Variants in CHD2 observed in about 807,000 individuals in gnomAD.
CHD2 encodes the protein chromodomain helicase DNA binding protein 2.
In CHD2, 28 loss-of-function variants were observed where a neutral mutation model predicts 243.9. The observed-to-expected ratio is 0.11, with a 90% CI of 0.09 to 0.16. The LOEUF is 0.16. Ranked by LOEUF, CHD2 falls within the 10% of genes least tolerant of loss-of-function variation. The probability of loss-of-function intolerance (pLI) is 1.00; values close to 1 mark genes in which losing one functional copy is unlikely to be tolerated. For missense variants in CHD2, 1,386 were observed against 2,209.8 expected (o/e 0.63, Z 7.47); for synonymous variants, 775 against 779.0 (o/e 0.99, Z 0.09).
At chr15:93,002,463 A>T in intron 33 of CHD2, 146 bp downstream of exon 33, 1 of 1,322,920 alleles carries the variant, frequency 7.6e-7, no homozygotes, top group Non-Finnish European at 1.0e-6. Flanking sequence ...CGTTGATGGG[A>T]TACCTGCACC....
At chr15:92,903,515 T>G (rs1406134843) in intron 2 of CHD2, among the ~76,000 whole-genome samples, 1 of 152,232 alleles carries the variant, frequency 6.6e-6, no homozygotes, top group African/African-American at 2.4e-5. Flanking sequence ...TATTTTAATT[T>G]GAAGTTAATG....
chr15:92,988,601 C>T (rs1018964760), intron 26 of CHD2, among the ~76,000 whole-genome samples: 1 of 152,142 alleles, frequency 6.6e-6, no homozygotes, highest in Non-Finnish European at 1.5e-5. Flanking sequence ...TCTATTTTGG[C>T]TTAGCTCGCA....
rs578182572 is a variant in CHD2 at position 93,002,470 on chromosome 15, C to T, written c.4278+153C>T. The stretch of plus-strand genomic sequence containing the variant: ...GGTGGGGCCGTTGATGGGATACCTG[C>T]ACCTGTCCTTGCAGAGAGAGGGGAA... On this transcript the variant is annotated intron_variant, in intron 33 of 38. Transcript: ENST00000394196. 3.7e-4 allele frequency among the ~76,000 whole-genome samples: 57 copies of T among 152,282 alleles called. No individual in the cohort carries two copies. In the South Asian group the frequency reaches 0.012, roughly 31 times the overall value.
At chr15:92,928,910 G>A in intron 4 of CHD2, 120 bp from the exon 5 acceptor site, 5 of 844,776 alleles carry the variant, frequency 5.9e-6, no homozygotes, top group Non-Finnish European at 8.9e-6. Flanking sequence ...GTTTCTTTGT[G>A]TCTAAAAGCT....
chr15:93,018,349 G>T (rs2054488516), intron 37 of CHD2, among the ~76,000 whole-genome samples: 1 of 152,224 alleles, frequency 6.6e-6, no homozygotes, highest in Non-Finnish European at 1.5e-5. Flanking sequence ...AATGCTATCA[G>T]TTTCTGAGCT....
In CHD2 at chr15:92,924,360, C is replaced by T. The variant is rs1481474429; in HGVS notation, c.102C>T (p.Gly34=). Residue 34 remains glycine (G), a synonymous_variant, in exon 3 of 39, where the codon GGC becomes GGT. Coordinates refer to ENST00000394196, the MANE Select transcript of CHD2 (RefSeq NM_001271.4). ...AAGAAGCTTCGGGTTCAGACTCAGG[C>T]AGTCAGTCGGAAAGTGAGCAGGGAA... is the stretch of plus-strand genomic sequence containing the variant. ...ASEEASGSDS[G]SQSESEQGSD... is the part of the protein sequence containing the mutation. The T allele has an allele frequency of 6.2e-7, 1 of 1,614,008 alleles. No individual in the cohort carries two copies. The highest frequency in any genetic ancestry group is 8.5e-7 in the Non-Finnish European group (1 of 1,179,994).
chr15:93,019,317 C>T (rs761431729), intron 37 of CHD2, among the ~76,000 whole-genome samples: 2 of 152,134 alleles, frequency 1.3e-5, no homozygotes, highest in African/African-American at 2.4e-5. Flanking sequence ...GTATCATTTT[C>T]TGAATTAGTT....
At position 93,003,604 on chromosome 15, in the gene CHD2, G is replaced by T. The variant is rs530107995; in HGVS notation, c.4279-1013G>T. ...TTTTTTTTTTTTTTGGCGGGGCCAGGCGGGGGGAGACGCTGATATCTTTTG... is the reference window on the plus strand; with the variant it reads ...TTTTTTTTTTTTTTGGCGGGGCCAGTCGGGGGGAGACGCTGATATCTTTTG... On this transcript the variant is annotated intron_variant, in intron 33 of 38. Transcript: ENST00000394196. Among the ~76,000 whole-genome samples the T allele has an allele frequency of 3.1e-4, 47 of 150,178 alleles. 1 individual carries two copies. The East Asian group carries it at 8.6e-3, about 27-fold the overall frequency.
intron 2 of CHD2, among the ~76,000 whole-genome samples, chr15:92,914,205 C>T (rs1299548562): frequency 2.0e-5 from 3 of 152,156 alleles, no homozygotes; most frequent in East Asian, 1.9e-4. Flanking sequence ...ATACATTGCC[C>T]GAGGTGGTTA....
intron 28 of CHD2, among the ~76,000 whole-genome samples, chr15:92,994,400 A>T (rs569787329): frequency 6.6e-6 from 1 of 151,796 alleles, no homozygotes; most frequent in Non-Finnish European, 1.5e-5. Flanking sequence ...TTAATAATAA[A>T]AAATTATTTT....
intron 8 of CHD2, among the ~76,000 whole-genome samples, chr15:92,942,240 T>C (rs563233789): frequency 6.6e-6 from 1 of 152,346 alleles, no homozygotes; most frequent in South Asian, 2.1e-4. Context: ...CTTTGGTTAT[T>C]TGTTTCTTAA....
chr15:92,968,640 G>T (rs1001970065), intron 17 of CHD2, among the ~76,000 whole-genome samples: 1 of 152,180 alleles, frequency 6.6e-6, no homozygotes, highest in Non-Finnish European at 1.5e-5. Flanking sequence ...ACTTTCCCAT[G>T]TCAGCTGAGG....
intron 2 of CHD2, among the ~76,000 whole-genome samples, chr15:92,906,181 T>C (rs2052618184): frequency 6.6e-6 from 1 of 151,792 alleles, no homozygotes. Context: ...TTGAGCCTTC[T>C]ACTTTTTTTC....
intron 2 of CHD2, chr15:92,904,374 C>T (rs1217760508): frequency 9.9e-6 from 9 of 909,886 alleles, no homozygotes; most frequent in Non-Finnish European, 1.1e-5. Context: ...TCGGCAGCCT[C>T]CGCCCCGTGA....
chr15:92,915,954 C>T (rs368996158), intron 2 of CHD2, among the ~76,000 whole-genome samples: 2 of 152,222 alleles, frequency 1.3e-5, no homozygotes. Flanking sequence ...TATCTGATTG[C>T]TTCCTCTGCC....
intron 12 of CHD2, chr15:92,947,344 G>A (rs1202306357): frequency 2.0e-5 from 3 of 152,226 alleles, no homozygotes; most frequent in Non-Finnish European, 4.4e-5. Flanking sequence ...ACAGACAAGA[G>A]GGGGCCCAGG....
intron 13 of CHD2, 79 bp downstream of exon 13, chr15:92,949,155 C>CT: frequency 1.9e-6 from 3 of 1,570,190 alleles, no homozygotes; most frequent in Non-Finnish European, 2.6e-6. Flanking sequence ...TTTTTTTTTT[C>CT]TTTTTTCACA....
chr15:92,933,328 T>G (rs990788054), intron 5 of CHD2, among the ~76,000 whole-genome samples: 3 of 152,254 alleles, frequency 2.0e-5, no homozygotes, highest in African/African-American at 7.2e-5. Context: ...TGTTTTTAGC[T>G]TCTTTTGAGA....
intron 2 of CHD2, among the ~76,000 whole-genome samples, chr15:92,918,500 A>G (rs1383948156): frequency 1.3e-5 from 2 of 152,208 alleles, no homozygotes; most frequent in African/African-American, 4.8e-5. Flanking sequence ...TGAAAATCCA[A>G]TGTTTAATTG....
Sources: allele counts gnomAD v4.1 joint callset (sites outside exome capture counted in the v4.1 genomes callset), GRCh38; gene constraint gnomAD v4.1.1; transcripts MANE v1.5; gene names NCBI Gene and HGNC (gene_info 2026-07-23, HGNC 2026-07-21).